The following GRIN2D variants were observed in gnomAD, a reference collection of about 807,000 sequenced individuals.
The protein encoded by GRIN2D is glutamate ionotropic receptor NMDA type subunit 2D.
Under a neutral mutation model 103.2 loss-of-function variants are expected in GRIN2D, and 37 were observed. That is an observed-to-expected ratio of 0.36 (90% confidence interval 0.28 to 0.47). The LOEUF (loss-of-function observed/expected upper bound fraction) is 0.47. GRIN2D is among the 20% of genes least tolerant of loss of function. The pLI is 1.00. For missense variants in GRIN2D, 1,557 were observed against 1,910.6 expected (o/e 0.81, Z 3.45); for synonymous variants, 845 against 885.6 (o/e 0.95, Z 0.81).
intron 11 of GRIN2D, among the ~76,000 whole-genome samples, chr19:48,434,242 G>A (rs999359718): frequency 2.0e-5 from 3 of 150,078 alleles, no homozygotes; most frequent in South Asian, 2.1e-4. Context: ...AAGCCACCGC[G>A]CCTGGCGGCC....
intron 9 of GRIN2D, 97 bp from the exon 10 acceptor site, chr19:48,419,488 G>A: frequency 5.1e-6 from 7 of 1,360,594 alleles, no homozygotes; most frequent in Non-Finnish European, 6.1e-6. Context: ...CAGATGCCTT[G>A]AGGGCCACTG....
intron 11 of GRIN2D, 143 bp from the exon 12 acceptor site, chr19:48,441,626 C>G (rs1051582246): frequency 1.6e-6 from 1 of 619,024 alleles, no homozygotes; most frequent in South Asian, 2.0e-5. Flanking sequence ...AACTGAGGCA[C>G]TGAGAAGTGC....
Position 48,404,738 on chromosome 19 carries a change from A to G in GRIN2D, c.470A>G (p.Lys157Arg). ...ATCCTCCTCCCTCCCTGGCAGGAGA[A>G]GGGCTCCACCTTCCTGCAGCTGGGC... is the stretch of plus-strand genomic sequence containing the variant. ...GAALVLTPKE[K>R]GSTFLQLGSS... The change falls in exon 4 of 14, where the codon AAG (lysine) becomes AGG (arginine). Residue 157 changes from lysine to arginine, a missense_variant. Coordinates refer to ENST00000263269, the MANE Select transcript of GRIN2D (RefSeq NM_000836.4). 1 of 1,593,792 alleles carries G rather than the reference A, an allele frequency of 6.3e-7. No individual in the cohort carries two copies. Among genetic ancestry groups the G allele is most frequent in the Non-Finnish European group, 8.6e-7 (1 of 1,168,102 alleles).
intron 11 of GRIN2D, among the ~76,000 whole-genome samples, chr19:48,433,941 C>G (rs938694545): frequency 6.6e-6 from 1 of 151,488 alleles, no homozygotes; most frequent in Non-Finnish European, 1.5e-5. Context: ...CTCATTTGGC[C>G]GCTTCTTTTC....
chr19:48,442,418 G>A lies in GRIN2D; in HGVS notation c.2673+36G>A. On this transcript the variant is annotated intron_variant, in intron 13 of 13. Coordinates refer to ENST00000263269, the MANE Select transcript of GRIN2D (RefSeq NM_000836.4). The surrounding 1 kb of genome is among the most constrained non-coding windows in gnomAD (Gnocchi z 7.2). ...GAGAGGGAGGCAGAGAGGGGGAGATGGCAGGGGCGGGGACAAAGGTAAAGC... is the reference window on the plus strand; with the variant it reads ...GAGAGGGAGGCAGAGAGGGGGAGATAGCAGGGGCGGGGACAAAGGTAAAGC... 6.3e-7 allele frequency: 1 copy of A among 1,580,328 alleles called. No homozygotes were observed. Among genetic ancestry groups the A allele is most frequent in the Non-Finnish European group, 8.6e-7 (1 of 1,159,556 alleles).
chr19:48,440,467 C>A (rs1971278167), intron 11 of GRIN2D, among the ~76,000 whole-genome samples: 1 of 152,030 alleles, frequency 6.6e-6, no homozygotes, highest in Admixed American at 6.6e-5. Context: ...GTGATGTGTG[C>A]CTTTAGTCCC....
rs199738394 is a variant in GRIN2D, at chr19:48,421,965, G to A, written c.2252+20G>A. 1,073 of 1,609,790 alleles carry A rather than the reference G, an allele frequency of 6.7e-4. No individual in the cohort carries two copies. Among genetic ancestry groups the A allele is most frequent in the Non-Finnish European group, 8.5e-4 (1,001 of 1,177,280 alleles). ...GGCAGGGTCAGCGCAGACTCGGGCCGGGGGTGGGGGTTGGGCCGCTGGGGA... is the reference window on the plus strand; with the variant it reads ...GGCAGGGTCAGCGCAGACTCGGGCCAGGGGTGGGGGTTGGGCCGCTGGGGA... On this transcript the variant is annotated intron_variant, in intron 11 of 13. Coordinates refer to ENST00000263269, the MANE Select transcript of GRIN2D (RefSeq NM_000836.4). This position sits in a 1 kb window ranked among gnomAD's most constrained non-coding sequence, Gnocchi z 4.8.
intron 8 of GRIN2D, among the ~76,000 whole-genome samples, chr19:48,418,108 A>C (rs976930063): frequency 6.9e-6 from 1 of 144,270 alleles, no homozygotes; most frequent in African/African-American, 2.6e-5. Context: ...ATCTCAGCTC[A>C]CTGCAACCTC....
chr19:48,412,467 AAGAAAGAAAGAAAG>A lies in GRIN2D; in HGVS notation c.1086-1520_1086-1507del, dbSNP rs1467377494. On this transcript the variant is annotated intron_variant, in intron 4 of 13. Transcript: ENST00000263269. ...AAAGAAAGAAAGAAAGAAAGAAAGAAAGAAAGAAAGAAAGAGAGAGAAAGAAAGAGGCGGGCCAG... is the reference window on the plus strand; with the variant it reads ...AAAGAAAGAAAGAAAGAAAGAAAGAAAGAGAGAAAGAAAGAGGCGGGCCAG... 2.7e-5 allele frequency among the ~76,000 whole-genome samples: 4 copies of A among 146,304 alleles called. No homozygotes were observed. In the East Asian group the frequency reaches 8.0e-4, roughly 29 times the overall value.
At position 48,428,804 on chromosome 19, in the gene GRIN2D, A is replaced by T. The variant is rs1328181145; in HGVS notation, c.2252+6859A>T. Among the ~76,000 whole-genome samples the T allele has an allele frequency of 2.6e-5, 4 of 152,300 alleles. No individual in the cohort carries two copies. In the East Asian group the frequency reaches 7.7e-4, roughly 29 times the overall value. Reference sequence around the variant, plus strand: ...AAGTACTAGGGGCTAGGACTTCAATATGTGAATTTGGTGAGGGAACACAAC... The same window carrying T: ...AAGTACTAGGGGCTAGGACTTCAATTTGTGAATTTGGTGAGGGAACACAAC... On this transcript the variant is annotated intron_variant, in intron 11 of 13. Transcript: ENST00000263269.
At chr19:48,419,124 C>G (rs939177962) in intron 8 of GRIN2D, 110 bp from the exon 9 acceptor site, 57 of 932,274 alleles carry the variant, frequency 6.1e-5, no homozygotes, top group Non-Finnish European at 8.4e-5. Flanking sequence ...AGTGATCCTC[C>G]TGCCTCAGCC....
chr19:48,405,936 G>A lies in GRIN2D; in HGVS notation c.1085+583G>A, dbSNP rs1180486792. ...GGGATGTCTGAATTGTAGCTCATGA[G>A]AAGGGGAAAAGAGAGGAAGTGGACA... On this transcript the variant is annotated intron_variant, in intron 4 of 13. Transcript: ENST00000263269. This position sits in a 1 kb window ranked among gnomAD's most constrained non-coding sequence, Gnocchi z 5.1. 6.6e-6 allele frequency among the ~76,000 whole-genome samples: 1 copy of A among 152,132 alleles called. No homozygotes were observed. Among genetic ancestry groups the A allele is most frequent in the African/African-American group, 2.4e-5 (1 of 41,424 alleles).
At chr19:48,441,428 G>C (rs1971290404) in intron 11 of GRIN2D, among the ~76,000 whole-genome samples, 1 of 151,430 alleles carries the variant, frequency 6.6e-6, no homozygotes. Flanking sequence ...CACCTCCTTT[G>C]CATGAGGTAC....
At position 48,405,016 on chromosome 19, in the gene GRIN2D, C is replaced by G. The variant is rs753823477; in HGVS notation, c.748C>G (p.Arg250Gly). 2.5e-6 allele frequency: 4 copies of G among 1,612,264 alleles called. No homozygotes were observed. Among genetic ancestry groups the G allele is most frequent in the Non-Finnish European group, 3.4e-6 (4 of 1,179,446 alleles). ...GCAGATCCGCCTGCTCTTCTGCGCC[C>G]GAGAGGAGGCCGAGCCCGTGTTCCG... ...SAQIRLLFCA[R>G]EEAEPVFRAA... Residue 250 changes from arginine to glycine, a missense_variant, in exon 4 of 14, where the codon CGA (arginine) becomes GGA (glycine). This residue lies in a region of GRIN2D where 490 missense variants were observed against 601.1 expected (regional missense o/e 0.82). Transcript: ENST00000263269. The surrounding 1 kb of genome is among the most constrained non-coding windows in gnomAD (Gnocchi z 5.1).
chr19:48,402,310 T>G (rs1261469340), intron 3 of GRIN2D, among the ~76,000 whole-genome samples: 2 of 151,624 alleles, frequency 1.3e-5, no homozygotes, highest in Non-Finnish European at 2.9e-5. Flanking sequence ...GACTTGGAGA[T>G]GGCTGAATGT....
At chr19:48,425,415 T>G (rs1395193764) in intron 11 of GRIN2D, among the ~76,000 whole-genome samples, 1 of 152,230 alleles carries the variant, frequency 6.6e-6, no homozygotes, top group East Asian at 1.9e-4. Flanking sequence ...CTAATTTTTC[T>G]ATTTTTAGTA....
Position 48,400,231 on chromosome 19 carries a change from C to G in GRIN2D, c.465+1374C>G, listed in dbSNP as rs1187509482. On this transcript the variant is annotated intron_variant, in intron 3 of 13. Coordinates refer to ENST00000263269, the MANE Select transcript of GRIN2D (RefSeq NM_000836.4). Reference sequence around the variant, plus strand: ...GCTCTGTGGATTGAGAATGGGTCAGCTAGGAGGTGGGGCCTGAGAAGGGGC... The same window carrying G: ...GCTCTGTGGATTGAGAATGGGTCAGGTAGGAGGTGGGGCCTGAGAAGGGGC... Among the ~76,000 whole-genome samples, 3 of 151,014 alleles carry G rather than the reference C, an allele frequency of 2.0e-5. No homozygotes were observed. The East Asian group carries it at 6.0e-4, about 30-fold the overall frequency.
At chr19:48,419,091 C>G in intron 8 of GRIN2D, 143 bp from the exon 9 acceptor site, 1 of 550,224 alleles carries the variant, frequency 1.8e-6, no homozygotes, top group Non-Finnish European at 3.0e-6. Flanking sequence ...CAAGGCCAGT[C>G]TGGTCTTGAA....
At chr19:48,406,279 A>G (rs1970791103) in intron 4 of GRIN2D, among the ~76,000 whole-genome samples, 1 of 152,196 alleles carries the variant, frequency 6.6e-6, no homozygotes, top group African/African-American at 2.4e-5. Context: ...GCCAACTGCA[A>G]GGAAGAGTGG....
Sources: allele counts gnomAD v4.1 joint callset (sites outside exome capture counted in the v4.1 genomes callset), GRCh38; gene constraint gnomAD v4.1.1; regional missense constraint gnomAD v4.1.1; non-coding constraint Gnocchi (gnomAD v3.1); transcripts MANE v1.5; gene names NCBI Gene and HGNC (gene_info 2026-07-23, HGNC 2026-07-21).